Variants in CSMD1 observed in about 807,000 individuals in gnomAD.
CSMD1 encodes the protein CUB and Sushi multiple domains 1.
Under a neutral mutation model 417.5 loss-of-function variants are expected in CSMD1, and 213 were observed. That is an observed-to-expected ratio of 0.51 (90% CI 0.46 to 0.57). CSMD1 has a LOEUF of 0.57. CSMD1 is among the 20% of genes least tolerant of loss of function. The pLI, the probability that CSMD1 is intolerant of heterozygous loss-of-function variation, is 0.00. For missense variants in CSMD1, 6,923 were observed against 4,529.7 expected, an observed-to-expected ratio of 1.53 and a Z score of -15.17; for synonymous variants, 2,862 against 1,736.8, an observed-to-expected ratio of 1.65 and a Z score of -16.11.
In CSMD1 at chr8:3,893,339, T is replaced by TTATATATGTATATA. The variant is rs1231999334; in HGVS notation, c.818+104563_818+104564insTATATACATATATA. Among the ~76,000 whole-genome samples the TTATATATGTATATA allele has an allele frequency of 9.9e-5, 8 of 80,460 alleles. 1 individual carries two copies. In the East Asian group the frequency reaches 1.0e-3, roughly 10 times the overall value. The allele number at this position is 80,460 out of a possible 152,430, so 52.8% of individuals were successfully genotyped here. A position where few individuals can be genotyped will look rare whatever the true frequency, so the allele number is the denominator to read the frequency against. ...TCCCAAACTAATAATATTCACAATT[T>TTATATATGTATATA]TATATATATATATATATATATATTA... is the stretch of plus-strand genomic sequence containing the variant. On this transcript the variant is annotated intron_variant, in intron 5 of 69. Transcript: ENST00000635120.
intron 7 of CSMD1, among the ~76,000 whole-genome samples, chr8:3,702,942 T>C (rs1436872122): frequency 6.6e-6 from 1 of 152,204 alleles, no homozygotes; most frequent in Non-Finnish European, 1.5e-5. Flanking sequence ...AAATGGGGGA[T>C]GGGTGCTTGC....
intron 5 of CSMD1, among the ~76,000 whole-genome samples, chr8:3,760,009 T>A (rs1317735813): frequency 1.3e-5 from 2 of 152,060 alleles, no homozygotes; most frequent in African/African-American, 4.8e-5. Flanking sequence ...TCTCTCCTGA[T>A]GTCCAGAAAC....
chr8:4,811,113 T>C (rs1464408475), intron 1 of CSMD1, among the ~76,000 whole-genome samples: 1 of 152,186 alleles, frequency 6.6e-6, no homozygotes, highest in African/African-American at 2.4e-5. Context: ...AGCATTTTTA[T>C]GGCAACACAT....
intron 2 of CSMD1, among the ~76,000 whole-genome samples, chr8:4,523,229 C>A (rs1585199350): frequency 1.3e-5 from 2 of 152,126 alleles, no homozygotes; most frequent in African/African-American, 4.8e-5. Flanking sequence ...TCTGTGGGAG[C>A]AAGGGATATA....
intron 26 of CSMD1, among the ~76,000 whole-genome samples, chr8:3,262,492 A>G (rs759310418): frequency 9.2e-5 from 14 of 151,644 alleles, no homozygotes; most frequent in Non-Finnish European, 1.9e-4. Flanking sequence ...TAACATAATT[A>G]CTGTTTATCC....
intron 3 of CSMD1, among the ~76,000 whole-genome samples, chr8:4,053,105 G>A (rs2740887): frequency 0.86 from 131,124 of 152,128 alleles, 56,648 homozygotes; most frequent in South Asian, 0.93. Flanking sequence ...GGGCTGATAC[G>A]AGGACCCCTT....
intron 7 of CSMD1, among the ~76,000 whole-genome samples, chr8:3,633,114 T>C (rs1796863855): frequency 6.6e-6 from 1 of 152,236 alleles, no homozygotes; most frequent in Non-Finnish European, 1.5e-5. Context: ...TTTTAACATT[T>C]ATTTCTCTAA....
At chr8:4,199,552 C>T (rs28668237) in intron 3 of CSMD1, among the ~76,000 whole-genome samples, 5,880 of 152,224 alleles carry the variant, frequency 0.039, 200 homozygotes, top group Non-Finnish European at 0.059. Context: ...ATCCTCTCGG[C>T]TACCAAAGGA....
chr8:3,052,356 C>G (rs1158797822), intron 50 of CSMD1, 106 bp downstream of exon 50: 4 of 722,028 alleles, frequency 5.5e-6, no homozygotes, highest in African/African-American at 5.4e-5. Context: ...CAAATCCTCA[C>G]AAGGTGTGGG....
intron 3 of CSMD1, among the ~76,000 whole-genome samples, chr8:4,378,704 T>C (rs1389588986): frequency 6.6e-6 from 1 of 152,192 alleles, no homozygotes; most frequent in Non-Finnish European, 1.5e-5. Flanking sequence ...AAACCTAATA[T>C]TCAGTGTGGT....
At chr8:3,512,925 C>G (rs920292260) in intron 10 of CSMD1, among the ~76,000 whole-genome samples, 1 of 151,946 alleles carries the variant, frequency 6.6e-6, no homozygotes, top group African/African-American at 2.4e-5. Context: ...AACACGTGGG[C>G]CCGTTGTATA....
In CSMD1 at chr8:4,728,648, T is replaced by C. The variant is rs1302505080; in HGVS notation, c.86-91090A>G. ...TCAAAGACCCATGTATGTTAGAGAA[T>C]CTTAACTAGTTAATATTGCTTAAGT... On this transcript the variant is annotated intron_variant, in intron 1 of 69. Transcript: ENST00000635120. 5.9e-5 allele frequency among the ~76,000 whole-genome samples: 9 copies of C among 152,216 alleles called. 1 individual carries two copies. The highest frequency in any genetic ancestry group is 1.3e-4 in the Non-Finnish European group (9 of 68,038).
At chr8:4,549,160 T>C (rs780368587) in intron 2 of CSMD1, among the ~76,000 whole-genome samples, 14 of 152,278 alleles carry the variant, frequency 9.2e-5, no homozygotes, top group Non-Finnish European at 1.0e-4. Flanking sequence ...TTACACAGAC[T>C]GACTCAAGGG....
At chr8:2,963,197 G>C in intron 60 of CSMD1, 25 bp downstream of exon 60, 1 of 1,612,300 alleles carries the variant, frequency 6.2e-7, no homozygotes, top group Non-Finnish European at 8.5e-7. Context: ...GCAGTGGGCG[G>C]AACAAATTCT....
intron 23 of CSMD1, 27 bp from the exon 24 acceptor site, chr8:3,308,530 A>C: frequency 1.9e-6 from 3 of 1,584,324 alleles, no homozygotes; most frequent in Non-Finnish European, 1.7e-6. Flanking sequence ...CAAGGAATGA[A>C]CAGAACTCAA....
chr8:3,354,037 C>G (rs148495559), intron 21 of CSMD1, among the ~76,000 whole-genome samples: 24 of 152,166 alleles, frequency 1.6e-4, no homozygotes, highest in African/African-American at 5.8e-4. Context: ...CTAGGAAGCC[C>G]CAAATCCATA....
At chr8:4,518,344 A>G (rs191141710) in intron 2 of CSMD1, among the ~76,000 whole-genome samples, 2 of 152,320 alleles carry the variant, frequency 1.3e-5, no homozygotes, top group East Asian at 3.9e-4. Context: ...GATTCTTCTC[A>G]TAAGACAATT....
chr8:3,447,959 G>A (rs1484023713), intron 12 of CSMD1, among the ~76,000 whole-genome samples: 2 of 152,142 alleles, frequency 1.3e-5, no homozygotes, highest in African/African-American at 2.4e-5. Context: ...ACATGGGACA[G>A]AGCCTCAAGA....
intron 7 of CSMD1, among the ~76,000 whole-genome samples, chr8:3,665,998 C>T (rs1798672290): frequency 1.3e-5 from 2 of 152,106 alleles, no homozygotes; most frequent in Non-Finnish European, 1.5e-5. Context: ...CTGCCTTAGC[C>T]TCCTCCTGCC....
Sources: allele counts gnomAD v4.1 joint callset (sites outside exome capture counted in the v4.1 genomes callset), GRCh38; gene constraint gnomAD v4.1.1; transcripts MANE v1.5; gene names NCBI Gene and HGNC (gene_info 2026-07-23, HGNC 2026-07-21).